Variants in ESRRB observed in about 807,000 individuals in gnomAD.
ESRRB encodes the protein estrogen related receptor beta, also known as steroid hormone receptor ERR2.
ESRRB carries 16 observed loss-of-function variants against 46.0 expected under a neutral mutation model. That is an observed-to-expected ratio of 0.35 (90% CI 0.24 to 0.53). ESRRB has a LOEUF of 0.53. Among genes scored for constraint, ESRRB ranks in the 20% least tolerant of loss-of-function variants. The pLI is 0.93. For missense variants in ESRRB, 488 were observed against 607.4 expected (o/e 0.80, Z 2.07); for synonymous variants, 246 against 259.6 (o/e 0.95, Z 0.50).
In ESRRB at chr14:76,376,439, G is replaced by A; in HGVS notation, c.38G>A (p.Gly13Asp). ...GAACTCTGCATCCCGGACCCCCTCG[G>A]CTACCACAACCAGTAGGTGCCCTGC... ...VSELCIPDPL[G>D]YHNQLLNRMS... The change falls in exon 1 of 7, where the codon GGC becomes GAC. Residue 13 changes from glycine (G) to aspartate (D), a missense_variant. Coordinates refer to ENST00000644823, the MANE Select transcript of ESRRB (RefSeq NM_001379180.1). This position sits in a 1 kb window ranked among gnomAD's most constrained non-coding sequence, Gnocchi z 4.1. 1 of 1,231,688 alleles carries A rather than the reference G, an allele frequency of 8.1e-7. No homozygotes were observed. Among genetic ancestry groups the A allele is most frequent in the Middle Eastern group, 3.1e-4 (1 of 3,208 alleles). The allele number at this position is 1,231,688 out of a possible 1,614,324, so 76.3% of individuals were successfully genotyped here. A position where few individuals can be genotyped will look rare whatever the true frequency, so the allele number is the denominator to read the frequency against.
At chr14:76,387,739 T>C (rs1468243715) in intron 1 of ESRRB, among the ~76,000 whole-genome samples, 1 of 152,196 alleles carries the variant, frequency 6.6e-6, no homozygotes, top group Non-Finnish European at 1.5e-5. Context: ...CAGAGCCAGA[T>C]ACTGGTGTTC....
chr14:76,311,832 T>C lies in ESRRB; in HGVS notation c.2+916T>C, dbSNP rs572481188. Among the ~76,000 whole-genome samples, 9 of 152,360 alleles carry C rather than the reference T, an allele frequency of 5.9e-5. No homozygotes were observed. The East Asian group carries it at 1.7e-3, about 29-fold the overall frequency. On this transcript the variant is annotated intron_variant, in intron 1 of 6. Coordinates refer to the ESRRB transcript ENST00000512784. ...GGGCCTTCCCGGCCACAGTCCTGTGTCCACGGGGCTTACCTGCCACGAGCT... is the reference window on the plus strand; with the variant it reads ...GGGCCTTCCCGGCCACAGTCCTGTGCCCACGGGGCTTACCTGCCACGAGCT...
At chr14:76,352,004 A>AAAAAAAAAAAAAAAAAAAAAAAAAAAC (rs1884319625) in intron 1 of ESRRB, among the ~76,000 whole-genome samples, 1 of 146,710 alleles carries the variant, frequency 6.8e-6, no homozygotes, top group Non-Finnish European at 1.5e-5. Flanking sequence ...AAAAAAAAAA[A>AAAAAAAAAAAAAAAAAAAAAAAAAAAC]AAAAAGCAAA....
intron 3 of ESRRB, among the ~76,000 whole-genome samples, chr14:76,474,722 TC>T (rs1294855703): frequency 1.3e-5 from 2 of 152,122 alleles, no homozygotes; most frequent in Non-Finnish European, 2.9e-5. Flanking sequence ...GTACCCATAA[TC>T]CCGGCTATTC....
chr14:76,469,838 A>C (rs1232844845), intron 3 of ESRRB, among the ~76,000 whole-genome samples: 3 of 151,888 alleles, frequency 2.0e-5, no homozygotes, highest in Non-Finnish European at 2.9e-5. Flanking sequence ...CTTTCTTTAA[A>C]AAAACTTCTT....
chr14:76,358,384 AAAGAAAGAAAGAAAGAAAGAAAG>A lies in ESRRB; in HGVS notation c.2+47471_2+47493del, dbSNP rs1452935695. Among the ~76,000 whole-genome samples, 20 of 99,518 alleles carry A rather than the reference AAAGAAAGAAAGAAAGAAAGAAAG, an allele frequency of 2.0e-4. No individual in the cohort carries two copies. The South Asian group carries it at 2.6e-3, about 13-fold the overall frequency. 65.3% of individuals were successfully genotyped at this position (99,518 alleles called of 152,430 possible). ...GAAAGAAAGAAAGAAAGAAAGAAAG[AAAGAAAGAAAGAAAGAAAGAAAG>A]AAAGAAAAGAAAAGAAAAAGAAAAA... is the stretch of plus-strand genomic sequence containing the variant. On this transcript the variant is annotated intron_variant, in intron 1 of 6. Coordinates refer to the ESRRB transcript ENST00000512784.
At chr14:76,386,947 T>G (rs768803185) in intron 1 of ESRRB, among the ~76,000 whole-genome samples, 6 of 152,164 alleles carry the variant, frequency 3.9e-5, no homozygotes, top group Non-Finnish European at 5.9e-5. Flanking sequence ...GCCTGATGTT[T>G]CCCTGACAAA....
At chr14:76,369,922 G>A (rs532058060), upstream of ESRRB, among the ~76,000 whole-genome samples, 21 of 152,308 alleles carry the variant, frequency 1.4e-4, no homozygotes, top group Non-Finnish European at 2.9e-4. Context: ...TGAAAATGGA[G>A]GCATAATCTG....
At chr14:76,324,969 T>TTTC (rs1555388981) in intron 1 of ESRRB, among the ~76,000 whole-genome samples, 1 of 92,920 alleles carries the variant, frequency 1.1e-5, no homozygotes, top group Non-Finnish European at 2.6e-5. Flanking sequence ...TTTTCTTTTT[T>TTTC]TTTTTTTTTT....
intron 1 of ESRRB, among the ~76,000 whole-genome samples, chr14:76,393,110 C>T (rs937875541): frequency 6.6e-6 from 1 of 152,246 alleles, no homozygotes; most frequent in Non-Finnish European, 1.5e-5. Context: ...GGTGCTGTAG[C>T]CAGGATCTAA....
At chr14:76,316,668 G>A (rs755331832) in intron 1 of ESRRB, among the ~76,000 whole-genome samples, 19 of 151,980 alleles carry the variant, frequency 1.3e-4, no homozygotes, top group Non-Finnish European at 2.4e-4. Context: ...AGGTCAGCTC[G>A]TGACTCATTG....
At chr14:76,317,215 C>T (rs185935849) in intron 1 of ESRRB, among the ~76,000 whole-genome samples, 1 of 152,202 alleles carries the variant, frequency 6.6e-6, no homozygotes, top group Non-Finnish European at 1.5e-5. Context: ...GTCTAGGCAT[C>T]TCTTGGGGAC....
chr14:76,425,859 G>T (rs998028376), intron 1 of ESRRB, among the ~76,000 whole-genome samples: 10 of 152,082 alleles, frequency 6.6e-5, no homozygotes, highest in South Asian at 2.1e-4. Flanking sequence ...GAGTAGCTGG[G>T]ATTACAGGTG....
At chr14:76,459,290 G>A (rs1888754662) in intron 2 of ESRRB, among the ~76,000 whole-genome samples, 1 of 152,198 alleles carries the variant, frequency 6.6e-6, no homozygotes, top group South Asian at 2.1e-4. Flanking sequence ...TTGAGCGGCT[G>A]GGTGTCCCAG....
intron 1 of ESRRB, among the ~76,000 whole-genome samples, chr14:76,397,561 A>G (rs964195521): frequency 2.0e-5 from 3 of 152,168 alleles, no homozygotes; most frequent in Admixed American, 6.5e-5. Flanking sequence ...CTTTAAAGTA[A>G]TTCCAAAATA....
chr14:76,463,445 G>GTTTTTTTTT (rs1313130923), intron 3 of ESRRB: 4 of 114,700 alleles, frequency 3.5e-5, no homozygotes, highest in African/African-American at 7.3e-5. Flanking sequence ...ATGCTTCTTT[G>GTTTTTTTTT]TTTTTTTTTT....
At chr14:76,436,942 T>G (rs2139926926) in intron 1 of ESRRB, among the ~76,000 whole-genome samples, 1 of 152,278 alleles carries the variant, frequency 6.6e-6, no homozygotes, top group South Asian at 2.1e-4. Flanking sequence ...TTTATCTTTG[T>G]GTCTGTAGCT....
intron 3 of ESRRB, among the ~76,000 whole-genome samples, chr14:76,473,621 T>C (rs966655043): frequency 4.1e-4 from 63 of 152,350 alleles, no homozygotes; most frequent in African/African-American, 1.5e-3. Context: ...CGGCTGACCC[T>C]GCACACTCGG....
At chr14:76,323,358 G>T (rs934069066) in intron 1 of ESRRB, among the ~76,000 whole-genome samples, 57 of 150,324 alleles carry the variant, frequency 3.8e-4, no homozygotes, top group Non-Finnish European at 4.3e-4. Flanking sequence ...TGCCCAGGCT[G>T]GAGTGGAGTG....
Sources: allele counts gnomAD v4.1 joint callset (sites outside exome capture counted in the v4.1 genomes callset), GRCh38; gene constraint gnomAD v4.1.1; non-coding constraint Gnocchi (gnomAD v3.1); transcripts MANE v1.5; gene names NCBI Gene and HGNC (gene_info 2026-07-23, HGNC 2026-07-21).